NCOA7: variants seen among roughly 807,000 people sequenced by gnomAD.
The protein encoded by NCOA7 is 140 kDa estrogen receptor-associated protein.
In NCOA7, 45 loss-of-function variants were observed where a neutral mutation model predicts 104.3. The ratio of observed to expected loss-of-function variants is 0.43; its 90% CI spans 0.34 to 0.55. The LOEUF (loss-of-function observed/expected upper bound fraction) is 0.55, where lower values mean the gene tolerates loss of function less well. NCOA7 is among the 20% of genes least tolerant of loss of function. The probability of loss-of-function intolerance (pLI) is 0.02; values close to 1 mark genes in which losing one functional copy is unlikely to be tolerated. For synonymous variants in NCOA7, 398 were observed against 402.3 expected, an observed-to-expected ratio of 0.99 and a Z score of 0.13; for missense variants, 1,041 against 1,119.7, an observed-to-expected ratio of 0.93 and a Z score of 1.00.
chr6:125,824,443 C>G (rs1778475716), intron 2 of NCOA7, among the ~76,000 whole-genome samples: 1 of 152,018 alleles, frequency 6.6e-6, no homozygotes, highest in Non-Finnish European at 1.5e-5. Context: ...TAGTACCTAC[C>G]TTATAAGGTT....
At chr6:125,818,458 G>C (rs1237015213) in intron 2 of NCOA7, among the ~76,000 whole-genome samples, 1 of 152,150 alleles carries the variant, frequency 6.6e-6, no homozygotes, top group Non-Finnish European at 1.5e-5. Context: ...GGAGCATAGG[G>C]ACAGTGGCAC....
chr6:125,843,495 T>A (rs907395329), intron 2 of NCOA7, among the ~76,000 whole-genome samples: 1 of 152,236 alleles, frequency 6.6e-6, no homozygotes, highest in African/African-American at 2.4e-5. Context: ...TTAAATAAGC[T>A]ACGTGCATAA....
At chr6:125,860,480 T>A (rs570527515) in intron 3 of NCOA7, among the ~76,000 whole-genome samples, 8 of 152,014 alleles carry the variant, frequency 5.3e-5, no homozygotes, top group Non-Finnish European at 1.2e-4. Flanking sequence ...CCCGAGTAGA[T>A]GAGATTACAG....
At chr6:125,824,911 A>G (rs1420167882) in intron 2 of NCOA7, among the ~76,000 whole-genome samples, 1 of 152,088 alleles carries the variant, frequency 6.6e-6, no homozygotes, top group African/African-American at 2.4e-5. Flanking sequence ...GGCACCTGCC[A>G]CCACACCCAG....
At chr6:125,846,717 G>A (rs572518870) in intron 2 of NCOA7, among the ~76,000 whole-genome samples, 3 of 152,322 alleles carry the variant, frequency 2.0e-5, no homozygotes, top group East Asian at 3.9e-4. Context: ...GAGGGGCTTC[G>A]GGGAGGCCCT....
At chr6:125,830,213 C>T (rs1779045181) in intron 2 of NCOA7, among the ~76,000 whole-genome samples, 1 of 152,208 alleles carries the variant, frequency 6.6e-6, no homozygotes, top group African/African-American at 2.4e-5. Flanking sequence ...TCAAATCCAT[C>T]TTTCATATAT....
intron 3 of NCOA7, among the ~76,000 whole-genome samples, chr6:125,872,168 A>G (rs1366695212): frequency 1.3e-5 from 2 of 152,050 alleles, no homozygotes; most frequent in East Asian, 3.9e-4. Context: ...TTTCTAGCCT[A>G]CCCACCTGTG....
chr6:125,884,167 G>A (rs542686664), intron 7 of NCOA7, among the ~76,000 whole-genome samples: 165 of 152,326 alleles, frequency 1.1e-3, no homozygotes, highest in Non-Finnish European at 1.7e-3. Flanking sequence ...GTTCATCCAT[G>A]TTATTGCAAA....
chr6:125,904,896 G>A (rs1192410559), intron 10 of NCOA7, among the ~76,000 whole-genome samples: 1 of 152,144 alleles, frequency 6.6e-6, no homozygotes, highest in African/African-American at 2.4e-5. Flanking sequence ...GTGCTAGGAC[G>A]GCTCTGCTTT....
chr6:125,854,929 A>C, intron 2 of NCOA7, 91 bp from the exon 3 acceptor site: 1 of 782,622 alleles, frequency 1.3e-6, no homozygotes, highest in South Asian at 1.8e-5. Context: ...TCAGTTCATT[A>C]GTTTTCAAAG....
chr6:125,783,064 G>A (rs1375764628), intron 1 of NCOA7, among the ~76,000 whole-genome samples: 1 of 152,092 alleles, frequency 6.6e-6, no homozygotes, highest in Non-Finnish European at 1.5e-5. Flanking sequence ...GAATGCAGGC[G>A]GTTCCTCTTC....
At position 125,814,696 on chromosome 6, in the gene NCOA7, C is replaced by T. The variant is rs546644493; in HGVS notation, c.-64-595C>T. Among the ~76,000 whole-genome samples the T allele has an allele frequency of 3.9e-5, 6 of 152,116 alleles. No homozygotes were observed. The East Asian group carries it at 7.7e-4, about 20-fold the overall frequency. On this transcript the variant is annotated intron_variant, in intron 1 of 15. Coordinates refer to ENST00000392477, the MANE Select transcript of NCOA7 (RefSeq NM_181782.5). ...ACTGCTGGCAAGCGTGGGTGAGGGT[C>T]GCAGGGGTGGAGAAGAGGGAGACGC...
At chr6:125,909,131 T>A (rs1323012035) in intron 10 of NCOA7, among the ~76,000 whole-genome samples, 1 of 152,238 alleles carries the variant, frequency 6.6e-6, no homozygotes, top group Non-Finnish European at 1.5e-5. Flanking sequence ...TGTCTTGTGT[T>A]GTAACTAGAA....
chr6:125,920,982 T>C lies in NCOA7; in HGVS notation c.2284T>C (p.Cys762Arg). Residue 762 changes from cysteine to arginine, a missense_variant, in exon 12 of 16, where the codon TGC becomes CGC. Cys to Arg is a radical substitution (Grantham distance 180). Around this residue, in one of 2 missense-constraint regions of NCOA7, gnomAD observed 914 missense variants for 942.7 expected, o/e 0.97. Coordinates refer to ENST00000392477, the MANE Select transcript of NCOA7 (RefSeq NM_181782.5). ...AGAGGCAAAGCGCAGGAAGAGCACA[T>C]GCAGCTACTATGAAGACGAGGACGA... ...VEEAKRRKST[C>R]SYYEDEDEEV... 1.2e-6 allele frequency: 2 copies of C among 1,613,822 alleles called. No homozygotes were observed. The highest frequency in any genetic ancestry group is 1.7e-6 in the Non-Finnish European group (2 of 1,179,780).
At chr6:125,790,203 A>C (rs1283147954), upstream of NCOA7, among the ~76,000 whole-genome samples, 1 of 152,254 alleles carries the variant, frequency 6.6e-6, no homozygotes, top group African/African-American at 2.4e-5. Flanking sequence ...GCCAGAAGGG[A>C]CACAGGATGA....
At position 125,922,736 on chromosome 6, in the gene NCOA7, A is replaced by G; in HGVS notation, c.2425A>G (p.Ser809Gly). 6.2e-7 allele frequency: 1 copy of G among 1,614,090 alleles called. No homozygotes were observed. ...AGGGTATCCATGGAGACTGGCCTAT[A>G]GCACGTTAGAGCACGGGACCAGCTT... ...VQGYPWRLAY[S>G]TLEHGTSLKT... Residue 809 changes from serine (S) to glycine (G), a missense_variant, in exon 13 of 16, where the codon AGC becomes GGC. By Grantham distance (56) the Ser-to-Gly change is moderately conservative (BLOSUM62 0). Around this residue, in one of 2 missense-constraint regions of NCOA7, gnomAD observed 127 missense variants for 177.0 expected, o/e 0.72. Transcript: ENST00000392477.
chr6:125,920,142 A>G (rs1274055389), intron 11 of NCOA7, among the ~76,000 whole-genome samples: 2 of 152,246 alleles, frequency 1.3e-5, no homozygotes, highest in Admixed American at 6.5e-5. Context: ...AATGTTTTGT[A>G]CAATATGATG....
intron 2 of NCOA7, among the ~76,000 whole-genome samples, chr6:125,830,931 A>G (rs560215504): frequency 2.0e-5 from 3 of 151,746 alleles, no homozygotes; most frequent in East Asian, 1.9e-4. Context: ...CTATTATTCT[A>G]TTTTCCAGGA....
chr6:125,784,575 A>G (rs1774372226), intron 1 of NCOA7, among the ~76,000 whole-genome samples: 1 of 152,252 alleles, frequency 6.6e-6, no homozygotes, highest in Non-Finnish European at 1.5e-5. Context: ...TTCACATAAA[A>G]CCTGCAAATG....
Sources: allele counts gnomAD v4.1 joint callset (sites outside exome capture counted in the v4.1 genomes callset), GRCh38; gene constraint gnomAD v4.1.1; regional missense constraint gnomAD v4.1.1; transcripts MANE v1.5; gene names NCBI Gene and HGNC (gene_info 2026-07-23, HGNC 2026-07-21).